Variants in EGFR observed in about 807,000 individuals in gnomAD.
EGFR encodes epidermal growth factor receptor.
EGFR carries 58 observed loss-of-function variants against 143.0 expected under a neutral mutation model. The ratio of observed to expected loss-of-function variants is 0.41; its 90% CI spans 0.33 to 0.50. The LOEUF is 0.50. Ranked by LOEUF, EGFR falls within the 20% of genes least tolerant of loss-of-function variation. EGFR has a pLI of 0.39. For synonymous variants in EGFR, 613 were observed against 594.4 expected, an observed-to-expected ratio of 1.03 and a Z score of -0.45; for missense variants, 1,307 against 1,579.0, an observed-to-expected ratio of 0.83 and a Z score of 2.92.
intron 1 of EGFR, among the ~76,000 whole-genome samples, chr7:55,078,605 G>A (rs1292210174): frequency 6.6e-6 from 1 of 152,210 alleles, no homozygotes; most frequent in African/African-American, 2.4e-5. Flanking sequence ...CAGGGTGGGG[G>A]CCACACGGGC....
At chr7:55,042,115 C>A (rs1434956051) in intron 1 of EGFR, among the ~76,000 whole-genome samples, 2 of 152,160 alleles carry the variant, frequency 1.3e-5, no homozygotes, top group Admixed American at 1.3e-4. Flanking sequence ...ATTATTTTTG[C>A]ATGAAATATG....
intron 1 of EGFR, among the ~76,000 whole-genome samples, chr7:55,135,822 A>C (rs1045125075): frequency 1.3e-5 from 2 of 151,766 alleles, no homozygotes; most frequent in East Asian, 3.8e-4. Flanking sequence ...GTACATGATT[A>C]TTTCTCAATT....
intron 1 of EGFR, among the ~76,000 whole-genome samples, chr7:55,137,953 C>CGG (rs1794245171): frequency 6.6e-6 from 1 of 152,190 alleles, no homozygotes; most frequent in Non-Finnish European, 1.5e-5. Flanking sequence ...TTAATCCTCT[C>CGG]ACAGTTTGTG....
At chr7:55,198,680 G>T (rs751164541) in intron 22 of EGFR, 37 bp from the exon 23 acceptor site, 1 of 1,613,844 alleles carries the variant, frequency 6.2e-7, no homozygotes, top group Non-Finnish European at 8.5e-7. Context: ...GTTCATTCAT[G>T]ATCCCACTGC....
chr7:55,198,408 G>T (rs966909701), intron 22 of EGFR, among the ~76,000 whole-genome samples: 2 of 152,122 alleles, frequency 1.3e-5, no homozygotes, highest in Admixed American at 1.3e-4. Context: ...AGTTACTGTT[G>T]TCTTTATTGT....
chr7:55,138,562 C>A (rs1794287634), intron 1 of EGFR, among the ~76,000 whole-genome samples: 1 of 152,154 alleles, frequency 6.6e-6, no homozygotes, highest in Admixed American at 6.5e-5. Flanking sequence ...ATATGCAGAT[C>A]CAAACATCTC....
chr7:55,174,110 G>C, intron 18 of EGFR, 67 bp downstream of exon 18: 1 of 1,605,944 alleles, frequency 6.2e-7, no homozygotes, highest in Non-Finnish European at 8.5e-7. Context: ...GGGGAGCCCA[G>C]AGTCCTTGCA....
intron 21 of EGFR, 32 bp downstream of exon 21, chr7:55,191,906 T>G (rs1403061243): frequency 6.2e-7 from 1 of 1,611,724 alleles, no homozygotes; most frequent in Non-Finnish European, 8.5e-7. Context: ...AGCCAGCATT[T>G]TCCTGACACC....
chr7:55,039,256 T>C (rs541677566), intron 1 of EGFR, among the ~76,000 whole-genome samples: 2 of 152,246 alleles, frequency 1.3e-5, no homozygotes, highest in African/African-American at 4.8e-5. Flanking sequence ...TTCTATGACC[T>C]GCTCCTTCAA....
intron 1 of EGFR, among the ~76,000 whole-genome samples, chr7:55,123,774 T>A (rs1473140418): frequency 2.7e-5 from 4 of 150,776 alleles, no homozygotes; most frequent in Non-Finnish European, 5.9e-5. Context: ...GAGGGGAGAG[T>A]AATAAAAGAC....
intron 19 of EGFR, among the ~76,000 whole-genome samples, chr7:55,176,284 G>A (rs1786585773): frequency 6.6e-6 from 1 of 152,234 alleles, no homozygotes; most frequent in Non-Finnish European, 1.5e-5. Context: ...TAAGACAATA[G>A]TTGTGCTTTG....
rs1562706265 is a variant in EGFR at position 55,091,887 on chromosome 7, CACA to C, written c.89-50398_89-50396del. 9.3e-4 allele frequency among the ~76,000 whole-genome samples: 96 copies of C among 103,130 alleles called. 1 individual carries two copies. Among genetic ancestry groups the C allele is most frequent in the African/African-American group, 1.9e-3 (45 of 24,276 alleles). 67.7% of individuals were successfully genotyped at this position (103,130 alleles called of 152,430 possible). A position where few individuals can be genotyped will look rare whatever the true frequency, so the allele number is the denominator to read the frequency against. ...ACACACACACACACACACACACACA[CACA>C]CCCTGAGAGAGAGAAAGAGAGAGAG... On this transcript the variant is annotated intron_variant, in intron 1 of 27. Transcript: ENST00000275493.
chr7:55,192,693 C>A, intron 21 of EGFR, 73 bp from the exon 22 acceptor site: 2 of 1,378,126 alleles, frequency 1.5e-6, no homozygotes, highest in Non-Finnish European at 2.1e-6. Flanking sequence ...TAATTAGGTC[C>A]AGAGTGAGTT....
chr7:55,091,356 G>A (rs546796557), intron 1 of EGFR, among the ~76,000 whole-genome samples: 2 of 152,286 alleles, frequency 1.3e-5, no homozygotes, highest in South Asian at 4.1e-4. Context: ...GAAAGGTTCT[G>A]GTGATAGTGG....
chr7:55,203,237 CACAT>C (rs1182373334), intron 27 of EGFR, among the ~76,000 whole-genome samples: 1 of 138,790 alleles, frequency 7.2e-6, no homozygotes, highest in Non-Finnish European at 1.5e-5. Flanking sequence ...ACACCACACA[CACAT>C]ACATGTATAC....
rs2128954683 is a variant in EGFR at position 55,174,765 on chromosome 7, C to T, written c.2228C>T (p.Ala743Val). 1 of 1,614,090 alleles carries T rather than the reference C, an allele frequency of 6.2e-7. No homozygotes were observed. The highest frequency in any genetic ancestry group is 8.5e-7 in the Non-Finnish European group (1 of 1,179,974). The part of the protein sequence containing the change: ...PEGEKVKIPV[A>V]IKELREATSP... ...GGTGAGAAAGTTAAAATTCCCGTCG[C>T]TATCAAGGAATTAAGAGAAGCAACA... is the stretch of plus-strand genomic sequence containing the variant. The change falls in exon 19 of 28, where the codon GCT becomes GTT. Residue 743 changes from alanine to valine, a missense_variant. Physicochemically the swap from Ala to Val is moderately conservative, Grantham distance 64. Around this residue, in one of 7 missense-constraint regions of EGFR, gnomAD observed 348 missense variants for 451.5 expected, o/e 0.77. Coordinates refer to ENST00000275493, the MANE Select transcript of EGFR (RefSeq NM_005228.5).
chr7:55,100,367 C>G (rs79160507), intron 1 of EGFR, among the ~76,000 whole-genome samples: 264 of 152,380 alleles, frequency 1.7e-3, no homozygotes, highest in African/African-American at 5.5e-3. Flanking sequence ...ACCGCCATCT[C>G]TGCCCCAGCA....
intron 1 of EGFR, among the ~76,000 whole-genome samples, chr7:55,095,265 A>G (rs1584025595): frequency 6.6e-6 from 1 of 152,226 alleles, no homozygotes; most frequent in African/African-American, 2.4e-5. Flanking sequence ...CAAAAGCTCA[A>G]GTTACTTAAC....
chr7:55,048,052 A>T (rs1562667639), intron 1 of EGFR, among the ~76,000 whole-genome samples: 1 of 152,226 alleles, frequency 6.6e-6, no homozygotes, highest in Admixed American at 6.5e-5. Flanking sequence ...AATATTTTAT[A>T]GTGCTCAAAT....
Sources: allele counts gnomAD v4.1 joint callset (sites outside exome capture counted in the v4.1 genomes callset), GRCh38; gene constraint gnomAD v4.1.1; regional missense constraint gnomAD v4.1.1; transcripts MANE v1.5; gene names NCBI Gene and HGNC (gene_info 2026-07-23, HGNC 2026-07-21).